The following PGBD5 variants were observed in gnomAD, a reference collection of about 807,000 sequenced individuals.
The protein encoded by PGBD5 is piggyBac transposable element-derived protein 5.
PGBD5 carries 14 observed loss-of-function variants against 47.9 expected under a neutral mutation model. That is an observed-to-expected ratio of 0.29 (90% CI 0.19 to 0.46). The LOEUF is 0.46. Among genes scored for constraint, PGBD5 ranks in the 20% least tolerant of loss-of-function variants. The probability of loss-of-function intolerance (pLI) is 1.00; values close to 1 mark genes in which losing one functional copy is unlikely to be tolerated. For synonymous variants in PGBD5, 316 were observed against 306.3 expected (o/e 1.03, Z -0.33); for missense variants, 635 against 716.0 (o/e 0.89, Z 1.29).
intron 1 of PGBD5, among the ~76,000 whole-genome samples, chr1:230,359,062 TTTTTC>T (rs777243367): frequency 2.6e-5 from 4 of 151,982 alleles, no homozygotes; most frequent in Non-Finnish European, 5.9e-5. Context: ...TGTATATTGA[TTTTTC>T]TTTTCTTTTT....
At position 230,315,195 on chromosome 1, in the gene PGBD5, C is replaced by G. The variant is rs1196796192; in HGVS notation, c.*8230G>C. The G allele has an allele frequency of 6.6e-6, 1 of 152,270 alleles. No homozygotes were observed. Among genetic ancestry groups the G allele is most frequent in the Non-Finnish European group, 1.5e-5 (1 of 68,120 alleles). The allele number at this position is 152,270 out of a possible 1,614,324, so 9.4% of individuals were successfully genotyped here. On this transcript the variant is annotated 3_prime_UTR_variant, in exon 7 of 7. Coordinates refer to ENST00000391860, the MANE Select transcript of PGBD5 (RefSeq NM_001258311.2). ...CCCCTGCCCACTGAGAACCAGCCACCCCCTCACCCCCCACCAGAGTTCCCT... is the reference window on the plus strand; with the variant it reads ...CCCCTGCCCACTGAGAACCAGCCACGCCCTCACCCCCCACCAGAGTTCCCT...
chr1:230,374,320 G>A (rs953255360), intron 1 of PGBD5, among the ~76,000 whole-genome samples: 8 of 152,150 alleles, frequency 5.3e-5, no homozygotes, highest in Non-Finnish European at 7.4e-5. Flanking sequence ...AGGAGGCTGA[G>A]GCAGGAGAAC....
At chr1:230,385,961 C>T (rs199676873) in intron 1 of PGBD5, among the ~76,000 whole-genome samples, 4 of 152,270 alleles carry the variant, frequency 2.6e-5, no homozygotes, top group Middle Eastern at 3.4e-3. Context: ...TCCCCAGCAA[C>T]CTGTATGCAC....
At position 230,323,687 on chromosome 1, in the gene PGBD5, G is replaced by GC; in HGVS notation, c.1380-68dup. On this transcript the variant is annotated intron_variant, in intron 6 of 6. Transcript: ENST00000391860. The surrounding 1 kb of genome is among the most constrained non-coding windows in gnomAD (Gnocchi z 4.1). The stretch of plus-strand genomic sequence containing the variant: ...TGGCACCCGGAGATGCATCCCAAAG[G>GC]CCCCCCCTCACCACAGCCCGTGAGA... 9 of 1,442,764 alleles carry GC rather than the reference G, an allele frequency of 6.2e-6. 1 individual carries two copies. Among genetic ancestry groups the GC allele is most frequent in the East Asian group, 2.3e-5 (1 of 43,938 alleles). The allele number at this position is 1,442,764 out of a possible 1,614,324, so 89.4% of individuals were successfully genotyped here. A position where few individuals can be genotyped will look rare whatever the true frequency, so the allele number is the denominator to read the frequency against.
At chr1:230,393,158 A>G (rs1291003578) in intron 1 of PGBD5, among the ~76,000 whole-genome samples, 1 of 135,230 alleles carries the variant, frequency 7.4e-6, no homozygotes, top group Non-Finnish European at 1.6e-5. Context: ...AGGAGGAAGG[A>G]AAAAGGGAAG....
chr1:230,396,813 C>T (rs750389917), intron 1 of PGBD5, among the ~76,000 whole-genome samples: 2 of 152,112 alleles, frequency 1.3e-5, no homozygotes, highest in Admixed American at 6.5e-5. Context: ...GAAGCATACA[C>T]TGGCGGAGAG....
intron 1 of PGBD5, among the ~76,000 whole-genome samples, chr1:230,369,837 T>C (rs1667899779): frequency 6.6e-6 from 1 of 152,026 alleles, no homozygotes; most frequent in Non-Finnish European, 1.5e-5. Flanking sequence ...CTACTAATTA[T>C]ATCCCTAGAA....
intron 1 of PGBD5, among the ~76,000 whole-genome samples, chr1:230,423,954 A>T (rs774117472): frequency 3.9e-5 from 6 of 152,152 alleles, no homozygotes; most frequent in African/African-American, 9.7e-5. Context: ...CTCCCATTTC[A>T]AGGTTACTAA....
At chr1:230,397,729 A>G (rs920736952) in intron 1 of PGBD5, among the ~76,000 whole-genome samples, 1 of 152,240 alleles carries the variant, frequency 6.6e-6, no homozygotes, top group Non-Finnish European at 1.5e-5. Flanking sequence ...TCCACAGCTC[A>G]AACACACAGC....
intron 1 of PGBD5, among the ~76,000 whole-genome samples, chr1:230,398,091 A>C (rs927039522): frequency 5.9e-5 from 9 of 152,214 alleles, no homozygotes; most frequent in African/African-American, 2.2e-4. Context: ...AGTTGGCAAA[A>C]GGCTGAGTGG....
chr1:230,366,862 C>T (rs867547996), intron 1 of PGBD5, among the ~76,000 whole-genome samples: 7 of 152,152 alleles, frequency 4.6e-5, no homozygotes, highest in African/African-American at 9.7e-5. Flanking sequence ...ATGGCTGTTA[C>T]GAAACAGCCG....
At position 230,357,215 on chromosome 1, in the gene PGBD5, G is replaced by A; in HGVS notation, c.438C>T (p.Ala146=). 2 of 1,614,066 alleles carry A rather than the reference G, an allele frequency of 1.2e-6. No individual in the cohort carries two copies. The highest frequency in any genetic ancestry group is 1.7e-6 in the Non-Finnish European group (2 of 1,180,018). Residue 146 remains alanine (A), a synonymous_variant, in exon 2 of 7, where the codon GCC becomes GCT. Coordinates refer to ENST00000391860, the MANE Select transcript of PGBD5 (RefSeq NM_001258311.2). This position sits in a 1 kb window ranked among gnomAD's most constrained non-coding sequence, Gnocchi z 5.7. ...TCCCAAACCGCTCCTGGAACTTCTTGGCATACATGTTTGTCTGCACCACCA... is the reference window on the plus strand; with the variant it reads ...TCCCAAACCGCTCCTGGAACTTCTTAGCATACATGTTTGTCTGCACCACCA... ...KNMVVQTNMY[A]KKFQERFGSD... is the part of the protein sequence containing the mutation.
rs1457571687 is a variant in PGBD5, at chr1:230,315,798, A to ATG, written c.*7626_*7627insCA. 7.1e-6 allele frequency: 1 copy of ATG among 140,200 alleles called. No individual in the cohort carries two copies. The highest frequency in any genetic ancestry group is 1.6e-5 in the Non-Finnish European group (1 of 63,112). The allele number at this position is 140,200 out of a possible 1,614,324, so 8.7% of individuals were successfully genotyped here. On this transcript the variant is annotated 3_prime_UTR_variant, in exon 7 of 7. Transcript: ENST00000391860. ...TGTATGCATATATGTATATATGTAT[A>ATG]CATATATGTATATGTGCATACATAT...
chr1:230,362,645 G>T (rs981755613), intron 1 of PGBD5, among the ~76,000 whole-genome samples: 1 of 152,144 alleles, frequency 6.6e-6, no homozygotes, highest in African/African-American at 2.4e-5. Flanking sequence ...CTGCTTGTGT[G>T]GCCCGTCTCC....
chr1:230,388,695 G>A (rs568572380), intron 1 of PGBD5, among the ~76,000 whole-genome samples: 5 of 152,050 alleles, frequency 3.3e-5, no homozygotes, highest in Non-Finnish European at 5.9e-5. Flanking sequence ...GATTACAGGC[G>A]TGAGCCACCG....
chr1:230,356,849 A>C (rs1025333037), intron 2 of PGBD5, 45 bp downstream of exon 2: 1 of 1,578,502 alleles, frequency 6.3e-7, no homozygotes, highest in Non-Finnish European at 8.6e-7. Context: ...AGGCCGAGAG[A>C]GCGAGGACAC....
intron 1 of PGBD5, among the ~76,000 whole-genome samples, chr1:230,361,756 G>A (rs1667745509): frequency 6.6e-6 from 1 of 152,210 alleles, no homozygotes; most frequent in African/African-American, 2.4e-5. Flanking sequence ...TCCCTCCCCA[G>A]GAGCTGACTG....
chr1:230,336,726 G>A (rs2102818575), intron 4 of PGBD5, among the ~76,000 whole-genome samples: 1 of 152,294 alleles, frequency 6.6e-6, no homozygotes, highest in Non-Finnish European at 1.5e-5. Flanking sequence ...TCCTGGGAAG[G>A]GGCCACATTA....
At chr1:230,364,275 C>T (rs1273940408) in intron 1 of PGBD5, among the ~76,000 whole-genome samples, 2 of 152,238 alleles carry the variant, frequency 1.3e-5, no homozygotes, top group East Asian at 1.9e-4. Context: ...AAATAACTTA[C>T]ACCTAATTCA....
Sources: allele counts gnomAD v4.1 joint callset (sites outside exome capture counted in the v4.1 genomes callset), GRCh38; gene constraint gnomAD v4.1.1; non-coding constraint Gnocchi (gnomAD v3.1); transcripts MANE v1.5; gene names NCBI Gene and HGNC (gene_info 2026-07-23, HGNC 2026-07-21).